The following CCSER1 variants were observed in gnomAD, a reference collection of about 807,000 sequenced individuals.
CCSER1 encodes the protein serine-rich coiled-coil domain-containing protein 1.
Under a neutral mutation model 82.0 loss-of-function variants are expected in CCSER1, and 41 were observed. The observed-to-expected ratio is 0.50, with a 90% CI of 0.39 to 0.65. The LOEUF (loss-of-function observed/expected upper bound fraction) is 0.65, where lower values mean the gene tolerates loss of function less well. CCSER1 is among the 30% of genes least tolerant of loss of function. CCSER1 has a pLI of 0.00. For synonymous variants in CCSER1, 414 were observed against 383.9 expected (o/e 1.08, Z -0.92); for missense variants, 1,119 against 1,064.2 (o/e 1.05, Z -0.72).
At chr4:90,155,377 G>A (rs1479065580) in intron 1 of CCSER1, among the ~76,000 whole-genome samples, 1 of 152,102 alleles carries the variant, frequency 6.6e-6, no homozygotes, top group Non-Finnish European at 1.5e-5. Context: ...TTGCTATCAG[G>A]ATGATGCTGG....
chr4:90,600,977 T>C (rs1293613244), intron 5 of CCSER1, among the ~76,000 whole-genome samples: 1 of 152,056 alleles, frequency 6.6e-6, no homozygotes, highest in Non-Finnish European at 1.5e-5. Flanking sequence ...CAAATCTATT[T>C]TTTTCATTGC....
At chr4:90,650,238 C>T (rs188117638) in intron 6 of CCSER1, among the ~76,000 whole-genome samples, 22 of 151,602 alleles carry the variant, frequency 1.5e-4, no homozygotes, top group Non-Finnish European at 2.5e-4. Flanking sequence ...AACAAACAAA[C>T]AAACAGAAAG....
At chr4:90,177,328 A>C (rs1258007669) in intron 1 of CCSER1, among the ~76,000 whole-genome samples, 4 of 152,130 alleles carry the variant, frequency 2.6e-5, no homozygotes, top group Non-Finnish European at 5.9e-5. Flanking sequence ...TTGTAGCAGC[A>C]ATGGCAACAA....
intron 10 of CCSER1, among the ~76,000 whole-genome samples, chr4:91,383,219 A>C (rs1751046651): frequency 6.6e-6 from 1 of 152,264 alleles, no homozygotes; most frequent in African/African-American, 2.4e-5. Context: ...TTGTGCATTA[A>C]GTTCAAAGGC....
intron 1 of CCSER1, among the ~76,000 whole-genome samples, chr4:90,267,596 G>T (rs537981457): frequency 1.3e-5 from 2 of 152,262 alleles, no homozygotes; most frequent in Non-Finnish European, 2.9e-5. Flanking sequence ...GACCACAGGG[G>T]TGCTTGTGTC....
At position 90,942,900 on chromosome 4, in the gene CCSER1, ATATAT is replaced by A. The variant is rs1196541504; in HGVS notation, c.2172+19459_2172+19463del. Among the ~76,000 whole-genome samples, 6 of 147,664 alleles carry A rather than the reference ATATAT, an allele frequency of 4.1e-5. No homozygotes were observed. In the South Asian group the frequency reaches 1.0e-3, roughly 26 times the overall value. On this transcript the variant is annotated intron_variant, in intron 9 of 10. Transcript: ENST00000509176. ...ATATGTATGATATATAGAATTAAAT[ATATAT>A]TATATATAAAATGTATATATTATAT...
chr4:91,171,295 C>T (rs941138178), intron 10 of CCSER1, among the ~76,000 whole-genome samples: 2 of 152,108 alleles, frequency 1.3e-5, no homozygotes, highest in Non-Finnish European at 2.9e-5. Context: ...ATCTAAAAGT[C>T]TAAGTTATTG....
chr4:90,542,160 CA>C lies in CCSER1; in HGVS notation c.1724+73813del, dbSNP rs1346204445. On this transcript the variant is annotated intron_variant, in intron 5 of 10. Coordinates refer to ENST00000509176, the MANE Select transcript of CCSER1 (RefSeq NM_001145065.2). ...TCAGAGATAAATTCAGATTAAAAAG[CA>C]AAAAAATTTAAAAGCCTTTTGATGG... 2.6e-5 allele frequency among the ~76,000 whole-genome samples: 4 copies of C among 151,834 alleles called. No homozygotes were observed. The East Asian group carries it at 7.7e-4, about 29-fold the overall frequency.
At chr4:90,876,672 C>A (rs1323303329) in intron 8 of CCSER1, among the ~76,000 whole-genome samples, 1 of 152,086 alleles carries the variant, frequency 6.6e-6, no homozygotes, top group Non-Finnish European at 1.5e-5. Context: ...CAATCCCATT[C>A]ATATATCATT....
At chr4:90,980,797 A>G (rs1736043506) in intron 9 of CCSER1, among the ~76,000 whole-genome samples, 1 of 151,824 alleles carries the variant, frequency 6.6e-6, no homozygotes, top group African/African-American at 2.4e-5. Context: ...ATGAGAAGTC[A>G]GATCCCATTT....
At chr4:90,720,715 C>T (rs183712825) in intron 6 of CCSER1, among the ~76,000 whole-genome samples, 225 of 152,036 alleles carry the variant, frequency 1.5e-3, no homozygotes, top group Non-Finnish European at 2.5e-3. Flanking sequence ...ATTGAGAGTT[C>T]TTCCTTTCTT....
chr4:90,313,484 C>T (rs1430198501), intron 3 of CCSER1, among the ~76,000 whole-genome samples: 1 of 152,192 alleles, frequency 6.6e-6, no homozygotes, highest in African/African-American at 2.4e-5. Context: ...CTGCAGTGCC[C>T]TTCCACAAAG....
intron 1 of CCSER1, among the ~76,000 whole-genome samples, chr4:90,233,493 G>T (rs1560845924): frequency 6.6e-6 from 1 of 152,124 alleles, no homozygotes; most frequent in Non-Finnish European, 1.5e-5. Flanking sequence ...AAAGTGGGGA[G>T]GGATAGCATG....
intron 1 of CCSER1, among the ~76,000 whole-genome samples, chr4:90,221,487 A>G (rs1324738664): frequency 6.6e-6 from 1 of 152,162 alleles, no homozygotes; most frequent in Non-Finnish European, 1.5e-5. Context: ...ATTAGACAGC[A>G]TATTGTATTA....
At chr4:90,438,472 AT>A (rs1244996394) in intron 4 of CCSER1, among the ~76,000 whole-genome samples, 1 of 152,148 alleles carries the variant, frequency 6.6e-6, no homozygotes, top group African/African-American at 2.4e-5. Flanking sequence ...TATAAATAAC[AT>A]TGTTAAGGTG....
chr4:90,316,828 A>C (rs1427212952), intron 3 of CCSER1, among the ~76,000 whole-genome samples: 1 of 152,224 alleles, frequency 6.6e-6, no homozygotes, highest in African/African-American at 2.4e-5. Flanking sequence ...GCGAAAGGAC[A>C]GGATGTATGA....
At chr4:90,404,681 A>T (rs1449481226) in intron 4 of CCSER1, among the ~76,000 whole-genome samples, 1 of 152,224 alleles carries the variant, frequency 6.6e-6, no homozygotes, top group African/African-American at 2.4e-5. Context: ...CATGGATCTC[A>T]TCACAGGACT....
intron 10 of CCSER1, among the ~76,000 whole-genome samples, chr4:91,392,327 A>G (rs1751701196): frequency 6.6e-6 from 1 of 151,144 alleles, no homozygotes; most frequent in African/African-American, 2.4e-5. Flanking sequence ...TGGTGTAGAC[A>G]TACCAAAACT....
intron 10 of CCSER1, among the ~76,000 whole-genome samples, chr4:91,523,770 C>T (rs1308737367): frequency 6.6e-6 from 1 of 151,970 alleles, no homozygotes; most frequent in Admixed American, 6.6e-5. Context: ...CTCTTTTCTT[C>T]TTTATTAGTC....
Sources: gnomAD v4.1 joint callset for allele counts (sites outside exome capture counted in the v4.1 genomes callset) on GRCh38, gnomAD v4.1.1 for gene constraint, MANE v1.5 for transcripts, NCBI Gene and HGNC (gene_info 2026-07-23, HGNC 2026-07-21) for gene names.